The following SRPK2 variants were observed in gnomAD, a reference collection of about 807,000 sequenced individuals.
The protein encoded by SRPK2 is SRSF protein kinase 2, also known as SFRS protein kinase 2.
A neutral mutation model predicts 90.8 loss-of-function variants in SRPK2; 21 were observed. The ratio of observed to expected loss-of-function variants is 0.23; its 90% confidence interval spans 0.16 to 0.33. The LOEUF (loss-of-function observed/expected upper bound fraction) is 0.33. Among genes scored for constraint, SRPK2 ranks in the 10% least tolerant of loss-of-function variants. The pLI is 1.00. For missense variants in SRPK2, 620 were observed against 869.0 expected, an observed-to-expected ratio of 0.71 and a Z score of 3.60; for synonymous variants, 288 against 311.1, an observed-to-expected ratio of 0.93 and a Z score of 0.78.
chr7:105,385,896 T>C (rs1348966571), intron 2 of SRPK2, among the ~76,000 whole-genome samples: 1 of 152,220 alleles, frequency 6.6e-6, no homozygotes, highest in Non-Finnish European at 1.5e-5. Flanking sequence ...TTATTATTAC[T>C]TAACATGTCC....
intron 2 of SRPK2, among the ~76,000 whole-genome samples, chr7:105,240,863 G>A (rs879263205): frequency 2.6e-5 from 4 of 152,086 alleles, no homozygotes; most frequent in Non-Finnish European, 4.4e-5. Flanking sequence ...ATACCTATCT[G>A]CTAAATATTT....
At chr7:105,216,757 G>A (rs1309619007) in intron 2 of SRPK2, among the ~76,000 whole-genome samples, 1 of 152,122 alleles carries the variant, frequency 6.6e-6, no homozygotes, top group African/African-American at 2.4e-5. Flanking sequence ...GGGCTGGAGA[G>A]TCAAGATACA....
intron 1 of SRPK2, among the ~76,000 whole-genome samples, chr7:105,395,050 A>G (rs547228303): frequency 2.3e-4 from 35 of 152,120 alleles, no homozygotes; most frequent in African/African-American, 8.4e-4. Context: ...GCACATGCCT[A>G]TAATCCCAGC....
intron 2 of SRPK2, among the ~76,000 whole-genome samples, chr7:105,312,947 C>A (rs1008495946): frequency 1.3e-5 from 2 of 152,076 alleles, no homozygotes; most frequent in Non-Finnish European, 2.9e-5. Flanking sequence ...AAGAAAGTTT[C>A]TCTTTACAAA....
chr7:105,358,846 C>G (rs1476545016), intron 2 of SRPK2, among the ~76,000 whole-genome samples: 2 of 151,928 alleles, frequency 1.3e-5, no homozygotes. Context: ...GGCTGTACAA[C>G]AAGCATGGCA....
chr7:105,151,355 C>T (rs2129578860), intron 7 of SRPK2, among the ~76,000 whole-genome samples: 1 of 152,290 alleles, frequency 6.6e-6, no homozygotes, highest in East Asian at 1.9e-4. Flanking sequence ...CTTTCATTCT[C>T]ATCTATGGGA....
chr7:105,298,912 C>T, intron 2 of SRPK2: 1 of 442,926 alleles, frequency 2.3e-6, no homozygotes, highest in South Asian at 9.6e-5. Context: ...GCTCAGTTAG[C>T]ACACAGTGAA....
chr7:105,263,781 T>C (rs1047501800), intron 2 of SRPK2, among the ~76,000 whole-genome samples: 1 of 151,656 alleles, frequency 6.6e-6, no homozygotes, highest in Non-Finnish European at 1.5e-5. Flanking sequence ...TGAAAAAAAA[T>C]TTCAATAAAC....
chr7:105,198,067 A>G (rs138713140), intron 3 of SRPK2, among the ~76,000 whole-genome samples: 257 of 152,370 alleles, frequency 1.7e-3, no homozygotes, highest in African/African-American at 5.8e-3. Flanking sequence ...TTGCACGTAT[A>G]GTATGAAGGG....
intron 2 of SRPK2, among the ~76,000 whole-genome samples, chr7:105,261,038 A>AAC (rs939083335): frequency 5.9e-5 from 9 of 151,742 alleles, no homozygotes; most frequent in African/African-American, 2.2e-4. Context: ...AAAAAAAAAA[A>AAC]AAAACAGTAT....
chr7:105,299,104 C>T (rs1028239873), intron 2 of SRPK2, among the ~76,000 whole-genome samples: 2 of 152,196 alleles, frequency 1.3e-5, no homozygotes, highest in African/African-American at 4.8e-5. Flanking sequence ...CCAGTGGGCA[C>T]TCTTCCTCCT....
At chr7:105,389,345 G>A (rs1198789132), upstream of SRPK2, 2 of 1,277,238 alleles carry the variant, frequency 1.6e-6, no homozygotes, top group Non-Finnish European at 2.0e-6. Context: ...CTCTCCCTTT[G>A]CTCCTCTACA....
At chr7:105,322,798 ATCTCCACTTCGGCCAAGGAATGC>A (rs1425045264) in intron 2 of SRPK2, among the ~76,000 whole-genome samples, 1 of 152,010 alleles carries the variant, frequency 6.6e-6, no homozygotes, top group East Asian at 1.9e-4. Context: ...AGTCTATACA[ATCTCCACTTCGGCCAAGGAATGC>A]TCTCCACAGC....
At chr7:105,364,670 G>A (rs1291531781) in intron 2 of SRPK2, among the ~76,000 whole-genome samples, 2 of 152,042 alleles carry the variant, frequency 1.3e-5, no homozygotes, top group African/African-American at 4.8e-5. Flanking sequence ...CCAAAGTGCT[G>A]GGGTTACAGG....
chr7:105,271,608 C>A (rs1019572088), intron 2 of SRPK2, among the ~76,000 whole-genome samples: 8 of 152,202 alleles, frequency 5.3e-5, no homozygotes, highest in Non-Finnish European at 1.2e-4. Flanking sequence ...CACCACAACA[C>A]CTGCCATAAT....
rs565426407 is a variant in SRPK2, at chr7:105,141,927, A to T, written c.1543+81T>A. 4.6e-6 allele frequency: 7 copies of T among 1,507,814 alleles called. No individual in the cohort carries two copies. The South Asian group carries it at 9.3e-5, about 20-fold the overall frequency. The allele number at this position is 1,507,814 out of a possible 1,614,324, so 93.4% of individuals were successfully genotyped here. ...ACACACACAGGGCTTGGCCACTTCC[A>T]GCCAATTCCTTCACAGCATTTGTTA... On this transcript the variant is annotated intron_variant, in intron 11 of 15. Transcript: ENST00000393651.
intron 2 of SRPK2, among the ~76,000 whole-genome samples, chr7:105,324,040 G>A (rs750943730): frequency 8.7e-5 from 13 of 148,752 alleles, no homozygotes; most frequent in Non-Finnish European, 1.9e-4. Flanking sequence ...ATTGTCGCCC[G>A]GGCTGGAGTG....
chr7:105,220,387 C>T (rs192927960), intron 2 of SRPK2, among the ~76,000 whole-genome samples: 3 of 151,958 alleles, frequency 2.0e-5, no homozygotes, highest in East Asian at 1.9e-4. Context: ...ATTAGCTGGG[C>T]GTGGTGGCGC....
intron 2 of SRPK2, among the ~76,000 whole-genome samples, chr7:105,374,556 G>C (rs1820070334): frequency 6.6e-6 from 1 of 152,062 alleles, no homozygotes. Context: ...AAACAAATTA[G>C]AATGTTAGTC....
Sources: allele counts gnomAD v4.1 joint callset (sites outside exome capture counted in the v4.1 genomes callset), GRCh38; gene constraint gnomAD v4.1.1; transcripts MANE v1.5; gene names NCBI Gene and HGNC (gene_info 2026-07-23, HGNC 2026-07-21).